CHCHD6: variants seen among roughly 807,000 people sequenced by gnomAD.
CHCHD6 encodes MICOS complex subunit MIC25.
CHCHD6 carries 28 observed loss-of-function variants against 32.3 expected under a neutral mutation model. The observed-to-expected ratio is 0.87, with a 90% CI of 0.64 to 1.19. The LOEUF is 1.19. Among genes scored for constraint, CHCHD6 ranks in the 50% most tolerant of loss-of-function variants. The pLI is 0.00. For missense variants in CHCHD6, 333 were observed against 307.0 expected (o/e 1.08, Z -0.63); for synonymous variants, 122 against 117.5 (o/e 1.04, Z -0.25).
At chr3:126,791,534 C>T (rs914776878) in intron 4 of CHCHD6, among the ~76,000 whole-genome samples, 2 of 152,258 alleles carry the variant, frequency 1.3e-5, no homozygotes, top group Non-Finnish European at 2.9e-5. Flanking sequence ...GGGCGCCCCT[C>T]CCCCAGCCTC....
intron 4 of CHCHD6, among the ~76,000 whole-genome samples, chr3:126,818,049 A>T (rs1456716976): frequency 6.6e-6 from 1 of 152,094 alleles, no homozygotes; most frequent in Non-Finnish European, 1.5e-5. Flanking sequence ...GGCCGCAGCC[A>T]TGTTGGGACT....
At chr3:126,864,931 A>ACCATCATCTCCT (rs796234687) in intron 5 of CHCHD6, among the ~76,000 whole-genome samples, 1 of 100,224 alleles carries the variant, frequency 1.0e-5, no homozygotes, top group African/African-American at 4.6e-5. Flanking sequence ...CTCCACCATC[A>ACCATCATCTCCT]CCTCCTCCTC....
At chr3:126,945,258 T>C (rs1479444635) in intron 6 of CHCHD6, among the ~76,000 whole-genome samples, 1 of 151,884 alleles carries the variant, frequency 6.6e-6, no homozygotes, top group African/African-American at 2.4e-5. Flanking sequence ...AGCTCTGACC[T>C]TCAGGATTGC....
chr3:126,888,404 G>A (rs933716047), intron 5 of CHCHD6, among the ~76,000 whole-genome samples: 1 of 152,164 alleles, frequency 6.6e-6, no homozygotes, highest in African/African-American at 2.4e-5. Flanking sequence ...CTGAGCTAAG[G>A]CACAATGAAG....
At chr3:126,748,897 AAACAAGT>A (rs1936613685) in intron 4 of CHCHD6, among the ~76,000 whole-genome samples, 1 of 152,208 alleles carries the variant, frequency 6.6e-6, no homozygotes, top group Non-Finnish European at 1.5e-5. Flanking sequence ...AACAGATGTC[AAACAAGT>A]AACTATTACC....
intron 4 of CHCHD6, among the ~76,000 whole-genome samples, chr3:126,811,550 CT>C (rs1359394877): frequency 6.6e-6 from 1 of 151,832 alleles, no homozygotes; most frequent in Non-Finnish European, 1.5e-5. Context: ...AGTGTGGCCA[CT>C]TTTCCATTTT....
intron 4 of CHCHD6, chr3:126,780,270 G>T: frequency 2.6e-6 from 1 of 390,158 alleles, no homozygotes; most frequent in African/African-American, 2.1e-5. Flanking sequence ...CCTAAGGGAG[G>T]GTTTCTCCCA....
chr3:126,779,573 A>G (rs911050264), intron 4 of CHCHD6, among the ~76,000 whole-genome samples: 8 of 147,612 alleles, frequency 5.4e-5, no homozygotes, highest in Non-Finnish European at 1.0e-4. Context: ...TTATAGTTTT[A>G]GCTCTTATAT....
chr3:126,917,670 C>T (rs2078191274), intron 6 of CHCHD6, among the ~76,000 whole-genome samples: 1 of 152,182 alleles, frequency 6.6e-6, no homozygotes, highest in Non-Finnish European at 1.5e-5. Context: ...CTCCAGAACA[C>T]ATATGTTGAA....
intron 6 of CHCHD6, among the ~76,000 whole-genome samples, chr3:126,932,689 C>T (rs2078423555): frequency 6.6e-6 from 1 of 152,172 alleles, no homozygotes; most frequent in South Asian, 2.1e-4. Flanking sequence ...GGCACTGGCT[C>T]CTCAGGCTGG....
intron 4 of CHCHD6, among the ~76,000 whole-genome samples, chr3:126,826,872 C>T (rs755203241): frequency 1.9e-4 from 29 of 152,064 alleles, no homozygotes; most frequent in South Asian, 6.2e-4. Context: ...CCAGTGACTA[C>T]GGTGGTAGTG....
At chr3:126,851,536 A>G (rs1941473678) in intron 4 of CHCHD6, among the ~76,000 whole-genome samples, 1 of 152,236 alleles carries the variant, frequency 6.6e-6, no homozygotes, top group African/African-American at 2.4e-5. Flanking sequence ...GACAACAAGC[A>G]GTTGGTGTTA....
At chr3:126,752,386 T>A (rs757667819) in intron 4 of CHCHD6, among the ~76,000 whole-genome samples, 1 of 152,176 alleles carries the variant, frequency 6.6e-6, no homozygotes. Flanking sequence ...CTTCCTGTGG[T>A]GTGTGAGCGG....
chr3:126,808,844 C>G (rs1381702170), intron 4 of CHCHD6, among the ~76,000 whole-genome samples: 3 of 152,140 alleles, frequency 2.0e-5, no homozygotes, highest in East Asian at 1.9e-4. Flanking sequence ...TCTGGTGAAG[C>G]TTTCCTGGGC....
chr3:126,872,780 T>C (rs1164669441), intron 5 of CHCHD6, among the ~76,000 whole-genome samples: 1 of 152,190 alleles, frequency 6.6e-6, no homozygotes, highest in Non-Finnish European at 1.5e-5. Flanking sequence ...CAAAACAGGA[T>C]GTTCTCCAGG....
At chr3:126,762,602 T>C (rs1406995706) in intron 4 of CHCHD6, among the ~76,000 whole-genome samples, 1 of 152,226 alleles carries the variant, frequency 6.6e-6, no homozygotes, top group Non-Finnish European at 1.5e-5. Flanking sequence ...CATTGGTTTA[T>C]AGTATTGTTC....
chr3:126,936,055 G>C (rs766068372), intron 6 of CHCHD6, among the ~76,000 whole-genome samples: 1 of 152,202 alleles, frequency 6.6e-6, no homozygotes, highest in Non-Finnish European at 1.5e-5. Flanking sequence ...GTGTAAAATG[G>C]ATTATACAGG....
rs375140269 is a variant in CHCHD6, at chr3:126,870,980, G to A, written c.495+18250G>A. Among the ~76,000 whole-genome samples, 8 of 152,306 alleles carry A rather than the reference G, an allele frequency of 5.3e-5. No homozygotes were observed. The East Asian group carries it at 5.8e-4, about 11-fold the overall frequency. ...ATTCTCGAGAGTGCCTGCAGCGAGC[G>A]AGTCTCTTTAGTGAGTGAATTCTGC... On this transcript the variant is annotated intron_variant, in intron 5 of 7. Coordinates refer to ENST00000290913, the MANE Select transcript of CHCHD6 (RefSeq NM_032343.3).
intron 4 of CHCHD6, among the ~76,000 whole-genome samples, chr3:126,771,404 C>T (rs1263029020): frequency 6.6e-6 from 1 of 151,834 alleles, no homozygotes; most frequent in Non-Finnish European, 1.5e-5. Flanking sequence ...GGGGTTTCAC[C>T]ATATTGACCA....
Sources: gnomAD v4.1 joint callset for allele counts (sites outside exome capture counted in the v4.1 genomes callset) on GRCh38, gnomAD v4.1.1 for gene constraint, MANE v1.5 for transcripts, NCBI Gene and HGNC (gene_info 2026-07-23, HGNC 2026-07-21) for gene names.